NUP210L: variants seen among roughly 807,000 people sequenced by gnomAD.
NUP210L encodes nuclear pore membrane glycoprotein 210-like.
A neutral mutation model predicts 208.5 loss-of-function variants in NUP210L; 74 were observed. The ratio of observed to expected loss-of-function variants is 0.35; its 90% CI spans 0.29 to 0.43. NUP210L has a LOEUF of 0.43. Among genes scored for constraint, NUP210L ranks in the 20% least tolerant of loss-of-function variants. The pLI is 1.00. For missense variants in NUP210L, 1,843 were observed against 2,289.4 expected (o/e 0.81, Z 3.98); for synonymous variants, 780 against 816.9 (o/e 0.95, Z 0.77).
intron 16 of NUP210L, among the ~76,000 whole-genome samples, chr1:154,081,428 T>C (rs1480646228): frequency 6.6e-6 from 1 of 152,140 alleles, no homozygotes; most frequent in East Asian, 1.9e-4. Flanking sequence ...TGGAATTTCT[T>C]GAGTAATAGG....
intron 25 of NUP210L, among the ~76,000 whole-genome samples, chr1:154,050,844 A>G (rs568170883): frequency 1.3e-5 from 2 of 152,354 alleles, no homozygotes; most frequent in South Asian, 4.1e-4. Flanking sequence ...TGGGTCTAAT[A>G]ATGGTAAAGC....
chr1:154,058,798 T>A, intron 20 of NUP210L, 105 bp from the exon 21 acceptor site: 1 of 1,124,884 alleles, frequency 8.9e-7, no homozygotes, highest in Non-Finnish European at 1.3e-6. Context: ...CTTGCTTTCT[T>A]TGAACTGGGG....
At chr1:154,153,978 C>T (rs1456903772) in intron 1 of NUP210L, among the ~76,000 whole-genome samples, 1 of 152,142 alleles carries the variant, frequency 6.6e-6, no homozygotes, top group Non-Finnish European at 1.5e-5. Flanking sequence ...GCACTGGCAT[C>T]CTGAAGCTCA....
exon 38 of NUP210L, chr1:153,995,152 C>T: frequency 1.2e-6 from 2 of 1,613,976 alleles, no homozygotes; most frequent in East Asian, 4.5e-5. Flanking sequence ...CAGTGAACCG[C>T]TTGAGGATGG....
chr1:154,030,137 A>G (rs757628497), intron 27 of NUP210L, 83 bp from the exon 28 acceptor site: 2 of 960,970 alleles, frequency 2.1e-6, no homozygotes, highest in Non-Finnish European at 2.9e-6. Flanking sequence ...TTAATATTAA[A>G]TTTTTTTTTA....
At chr1:154,000,747 G>A in intron 37 of NUP210L, 109 bp downstream of exon 37, 1 of 898,934 alleles carries the variant, frequency 1.1e-6, no homozygotes. Flanking sequence ...GACCGTGGTT[G>A]ACAGTTAAGT....
chr1:154,085,417 ATATT>A lies in NUP210L; in HGVS notation c.2361+4000_2361+4003del, dbSNP rs532965236. On this transcript the variant is annotated intron_variant, in intron 16 of 39. Coordinates refer to ENST00000368559, the Ensembl canonical transcript of NUP210L. The stretch of plus-strand genomic sequence containing the variant: ...ATTATGATAGCATCAAAAAAGCAAA[ATATT>A]TAGGAATAAATCTAATGAGTGTAAA... Among the ~76,000 whole-genome samples the A allele has an allele frequency of 7.2e-5, 11 of 152,194 alleles. No homozygotes were observed. In the South Asian group the frequency reaches 2.3e-3, roughly 32 times the overall value.
intron 27 of NUP210L, among the ~76,000 whole-genome samples, chr1:154,036,202 G>A (rs914486588): frequency 9.6e-4 from 145 of 151,298 alleles, no homozygotes; most frequent in Non-Finnish European, 1.0e-3. Context: ...AAAATTCCTC[G>A]TTACTAATTT....
intron 2 of NUP210L, among the ~76,000 whole-genome samples, chr1:154,149,078 A>G (rs989974039): frequency 6.8e-5 from 7 of 102,326 alleles, no homozygotes; most frequent in African/African-American, 2.6e-4. Flanking sequence ...TCAACAGCAG[A>G]AAACTTCTCT....
intron 22 of NUP210L, among the ~76,000 whole-genome samples, chr1:154,057,611 T>C (rs1653934738): frequency 6.6e-6 from 1 of 151,488 alleles, no homozygotes; most frequent in South Asian, 2.1e-4. Flanking sequence ...AAAGATATCA[T>C]CCAAGGAGAG....
exon 31 of NUP210L, chr1:154,023,276 G>T: frequency 6.2e-7 from 1 of 1,610,354 alleles, no homozygotes; most frequent in East Asian, 2.2e-5. Context: ...CTGCTCACTC[G>T]CAGGTATGTC....
chr1:154,059,991 C>G (rs1238728988), intron 20 of NUP210L, among the ~76,000 whole-genome samples: 2 of 152,160 alleles, frequency 1.3e-5, no homozygotes, highest in East Asian at 3.9e-4. Flanking sequence ...GTGGTTCACA[C>G]CTGCAATCCT....
chr1:154,011,781 C>T (rs182975541), intron 34 of NUP210L, among the ~76,000 whole-genome samples: 10 of 148,958 alleles, frequency 6.7e-5, no homozygotes, highest in African/African-American at 1.5e-4. Flanking sequence ...CCCCGCTTCC[C>T]GGGTTCAAGC....
chr1:154,028,273 T>C (rs1429485692), intron 28 of NUP210L, among the ~76,000 whole-genome samples: 1 of 152,184 alleles, frequency 6.6e-6, no homozygotes, highest in Non-Finnish European at 1.5e-5. Flanking sequence ...TGTTTTATCC[T>C]AACTGTGAAT....
At chr1:154,039,278 G>A (rs1557933356) in intron 27 of NUP210L, among the ~76,000 whole-genome samples, 1 of 150,530 alleles carries the variant, frequency 6.6e-6, no homozygotes, top group Non-Finnish European at 1.5e-5. Context: ...CTGTTGCCCA[G>A]GCTGGAGTGC....
chr1:154,019,982 G>A (rs1437104255), intron 32 of NUP210L, among the ~76,000 whole-genome samples: 1 of 152,104 alleles, frequency 6.6e-6, no homozygotes, highest in Non-Finnish European at 1.5e-5. Flanking sequence ...CTGCTTCATT[G>A]ACAAGGGATT....
At chr1:154,029,862 T>C (rs778704971) in intron 28 of NUP210L, 34 bp downstream of exon 28, 4 of 1,545,196 alleles carry the variant, frequency 2.6e-6, no homozygotes, top group East Asian at 2.3e-5. Context: ...TTATCCTTAA[T>C]ATACGAAAAT....
chr1:154,027,537 T>C, exon 29 of NUP210L: 2 of 1,613,622 alleles, frequency 1.2e-6, no homozygotes, highest in Non-Finnish European at 1.7e-6. Context: ...TGAGAATTTA[T>C]AGGCATCAGA....
intron 12 of NUP210L, among the ~76,000 whole-genome samples, chr1:154,113,157 TA>T (rs561869829): frequency 0.023 from 2,881 of 125,040 alleles, 48 homozygotes; most frequent in African/African-American, 0.043. Context: ...AACCCTCTCT[TA>T]AAAAAAAAAA....
Sources: gnomAD v4.1 joint callset for allele counts (sites outside exome capture counted in the v4.1 genomes callset) on GRCh38, gnomAD v4.1.1 for gene constraint, MANE v1.5 for transcripts, NCBI Gene and HGNC (gene_info 2026-07-23, HGNC 2026-07-21) for gene names.